The following CAPS2 variants were observed in gnomAD, a reference collection of about 807,000 sequenced individuals.
CAPS2 encodes calcyphosin-2.
In CAPS2, 98 loss-of-function variants were observed where a neutral mutation model predicts 86.5. The observed-to-expected ratio is 1.13, with a 90% confidence interval of 0.96 to 1.34. The LOEUF (loss-of-function observed/expected upper bound fraction) is 1.34, where lower values mean the gene tolerates loss of function less well. Among genes scored for constraint, CAPS2 ranks in the 40% most tolerant of loss-of-function variants. The pLI, the probability that CAPS2 is intolerant of heterozygous loss-of-function variation, is 0.00. For synonymous variants in CAPS2, 210 were observed against 225.1 expected (o/e 0.93, Z 0.60); for missense variants, 729 against 686.8 (o/e 1.06, Z -0.69).
At chr12:75,330,539 C>A (rs1048196001), upstream of CAPS2, among the ~76,000 whole-genome samples, 5 of 152,154 alleles carry the variant, frequency 3.3e-5, no homozygotes, top group Non-Finnish European at 5.9e-5. Context: ...TAAGCATATG[C>A]TACAATATCT....
At chr12:75,329,857 C>A, upstream of CAPS2, 1 of 1,543,894 alleles carries the variant, frequency 6.5e-7, no homozygotes. Context: ...AGGAATTCCC[C>A]ATCCCCTACC....
chr12:75,314,609 T>A (rs2039565448), intron 6 of CAPS2, among the ~76,000 whole-genome samples: 1 of 151,930 alleles, frequency 6.6e-6, no homozygotes, highest in African/African-American at 2.4e-5. Context: ...TAGCACAACC[T>A]CAAAGTAAAG....
chr12:75,349,000 G>A (rs190971673), intron 1 of CAPS2, among the ~76,000 whole-genome samples: 1 of 152,236 alleles, frequency 6.6e-6, no homozygotes, highest in Non-Finnish European at 1.5e-5. Flanking sequence ...TTGAAGAAAT[G>A]GAGCTAAAAG....
At chr12:75,358,790 C>T (rs2043333138) in intron 1 of CAPS2, among the ~76,000 whole-genome samples, 1 of 136,892 alleles carries the variant, frequency 7.3e-6, no homozygotes. Flanking sequence ...TAATATATAA[C>T]AATATATAAT....
intron 1 of CAPS2, among the ~76,000 whole-genome samples, chr12:75,347,464 T>C (rs923780562): frequency 1.1e-4 from 16 of 152,076 alleles, no homozygotes; most frequent in African/African-American, 3.6e-4. Flanking sequence ...AATATAAGAA[T>C]TTTAATATAA....
At chr12:75,279,970 C>T (rs566339877) in intron 16 of CAPS2, among the ~76,000 whole-genome samples, 14 of 151,632 alleles carry the variant, frequency 9.2e-5, no homozygotes, top group Non-Finnish European at 1.6e-4. Context: ...TTTCAAATAG[C>T]GAAGAATTTC....
rs551539345 is a variant in CAPS2, at chr12:75,313,201, T to G, written c.592-286A>C. Among the ~76,000 whole-genome samples the G allele has an allele frequency of 1.6e-4, 24 of 152,308 alleles. No individual in the cohort carries two copies. The South Asian group carries it at 5.0e-3, about 32-fold the overall frequency. ...TGCCTTTGCATTTTATGGAGCAGAC[T>G]AAAGGAGAAAGAGACTATGGCATCC... is the stretch of plus-strand genomic sequence containing the variant. On this transcript the variant is annotated intron_variant, in intron 6 of 16. Coordinates refer to ENST00000393284, the Ensembl canonical transcript of CAPS2.
chr12:75,329,414 A>G (rs2041090283), upstream of CAPS2, among the ~76,000 whole-genome samples: 1 of 152,198 alleles, frequency 6.6e-6, no homozygotes, highest in African/African-American at 2.4e-5. Context: ...TATTGCTAGC[A>G]TATAATAAAT....
chr12:75,385,104 C>T (rs2139842489), intron 1 of CAPS2, among the ~76,000 whole-genome samples: 1 of 152,332 alleles, frequency 6.6e-6, no homozygotes, highest in Non-Finnish European at 1.5e-5. Context: ...ATGCCCTGCA[C>T]TGCTTCAGGA....
At chr12:75,299,446 A>C (rs1208214904) in intron 9 of CAPS2, among the ~76,000 whole-genome samples, 1 of 152,154 alleles carries the variant, frequency 6.6e-6, no homozygotes, top group Non-Finnish European at 1.5e-5. Context: ...ATAGATTTAA[A>C]AATTATTTTC....
chr12:75,358,726 T>TA (rs1244031581), intron 1 of CAPS2, among the ~76,000 whole-genome samples: 1 of 142,356 alleles, frequency 7.0e-6, no homozygotes, highest in Non-Finnish European at 1.5e-5. Context: ...ATATATAATA[T>TA]ATTATATATA....
upstream of CAPS2, chr12:75,335,007 C>CAT: frequency 8.9e-7 from 1 of 1,122,802 alleles, no homozygotes; most frequent in Non-Finnish European, 1.3e-6. Flanking sequence ...CCGGACTTTA[C>CAT]ATATATGCAG....
In CAPS2 at chr12:75,363,130, G is replaced by A. The variant is rs139987275; in HGVS notation, c.-395+27708C>T. The A allele has an allele frequency of 9.7e-5, 151 of 1,558,612 alleles. No homozygotes were observed. In the African/African-American group the frequency reaches 1.4e-3, roughly 14 times the overall value. On this transcript the variant is annotated intron_variant, in intron 1 of 5. Transcript: ENST00000551829. The stretch of plus-strand genomic sequence containing the variant: ...AAATTTTGCAAATATGCCTCCTTAC[G>A]TAAGAGGAGAATCTTGCTCTCTCTG...
chr12:75,311,724 C>CAAAAAAAAAAAAAAAAAAAAAAAAAAA (rs1188952105), intron 7 of CAPS2, among the ~76,000 whole-genome samples: 1 of 15,682 alleles, frequency 6.4e-5, no homozygotes, highest in African/African-American at 2.3e-4. Flanking sequence ...AAAAAAAAAA[C>CAAAAAAAAAAAAAAAAAAAAAAAAAAA]AAAAAAAAAA....
chr12:75,367,864 C>G lies in CAPS2; in HGVS notation c.-395+22974G>C, dbSNP rs2044090043. Among the ~76,000 whole-genome samples the G allele has an allele frequency of 2.6e-5, 4 of 152,114 alleles. 1 individual carries two copies. The South Asian group carries it at 8.3e-4, about 32-fold the overall frequency. On this transcript the variant is annotated intron_variant, in intron 1 of 5. Transcript: ENST00000551829. Reference sequence around the variant, plus strand: ...AGCATAAGCTGTAACAATAGACACACCCTTCTATTATTCTTAAATTTAAAG... The same window carrying G: ...AGCATAAGCTGTAACAATAGACACAGCCTTCTATTATTCTTAAATTTAAAG...
upstream of CAPS2, chr12:75,330,150 C>A: frequency 3.2e-6 from 1 of 316,056 alleles, no homozygotes; most frequent in Non-Finnish European, 5.8e-6. Context: ...GTCCCTTGTT[C>A]GTTCTACGCC....
intron 1 of CAPS2, among the ~76,000 whole-genome samples, chr12:75,346,661 T>A (rs771395526): frequency 6.6e-6 from 1 of 152,236 alleles, no homozygotes. Flanking sequence ...ATCTCGTTTT[T>A]AAGTTCTCAG....
At chr12:75,293,489 G>C in intron 11 of CAPS2, 122 bp from the exon 12 acceptor site, 2 of 688,600 alleles carry the variant, frequency 2.9e-6, no homozygotes, top group Non-Finnish European at 2.5e-6. Flanking sequence ...AGGGTAAGAA[G>C]TATATTTGGA....
intron 11 of CAPS2, among the ~76,000 whole-genome samples, chr12:75,294,399 T>C (rs2036529271): frequency 6.6e-6 from 1 of 152,218 alleles, no homozygotes; most frequent in South Asian, 2.1e-4. Context: ...CAAATACTTC[T>C]GAAAATTAGA....
Sources: gnomAD v4.1 joint callset for allele counts (sites outside exome capture counted in the v4.1 genomes callset) on GRCh38, gnomAD v4.1.1 for gene constraint, MANE v1.5 for transcripts, NCBI Gene and HGNC (gene_info 2026-07-23, HGNC 2026-07-21) for gene names.